The following PKD1L3 variants were observed in gnomAD, a reference collection of about 807,000 sequenced individuals.
The protein encoded by PKD1L3 is polycystin 1 like 3, transient receptor potential channel interacting, also known as polycystin-1-like protein 3.
A neutral mutation model predicts 184.1 loss-of-function variants in PKD1L3; 239 were observed. The observed-to-expected ratio is 1.30, with a 90% CI of 1.17 to 1.45. PKD1L3 has a LOEUF of 1.45. Ranked by LOEUF, PKD1L3 falls within the 40% of genes most tolerant of loss-of-function variation. PKD1L3 has a pLI of 0.00. For missense variants in PKD1L3, 2,660 were observed against 2,067.2 expected (o/e 1.29, Z -5.56); for synonymous variants, 996 against 778.8 (o/e 1.28, Z -4.64).
At chr16:71,991,531 T>C (rs1043748332) in intron 3 of PKD1L3, among the ~76,000 whole-genome samples, 3 of 152,148 alleles carry the variant, frequency 2.0e-5, no homozygotes, top group Non-Finnish European at 2.9e-5. Context: ...AATTAGTCCC[T>C]GATATGGAAG....
chr16:71,936,643 A>G (rs1194243746), intron 25 of PKD1L3, among the ~76,000 whole-genome samples: 3 of 144,388 alleles, frequency 2.1e-5, no homozygotes, highest in Non-Finnish European at 4.5e-5. Context: ...ATATGCCACC[A>G]CGCCCGGCTA....
At chr16:71,964,269 G>A (rs897157423) in intron 15 of PKD1L3, among the ~76,000 whole-genome samples, 6 of 126,626 alleles carry the variant, frequency 4.7e-5, no homozygotes, top group Admixed American at 4.4e-4. Flanking sequence ...CCAAGGGTCT[G>A]TGTTTGTCAT....
intron 3 of PKD1L3, among the ~76,000 whole-genome samples, chr16:71,991,801 G>A (rs1433453117): frequency 6.6e-6 from 1 of 152,170 alleles, no homozygotes; most frequent in East Asian, 1.9e-4. Context: ...GATACACACT[G>A]AGAAAATTTC....
chr16:71,979,339 G>C (rs1304979123), intron 9 of PKD1L3, among the ~76,000 whole-genome samples: 3 of 152,142 alleles, frequency 2.0e-5, no homozygotes, highest in Non-Finnish European at 4.4e-5. Flanking sequence ...AGCTACTTGG[G>C]AGGCTGAGGC....
chr16:71,941,581 CTTTTTTTTTT>C (rs35509080), intron 24 of PKD1L3, among the ~76,000 whole-genome samples: 2 of 102,218 alleles, frequency 2.0e-5, no homozygotes, highest in Non-Finnish European at 3.8e-5. Flanking sequence ...CTATGACATT[CTTTTTTTTTT>C]TTTTTTTTTT....
At chr16:71,985,554 C>G (rs1176833973) in intron 5 of PKD1L3, among the ~76,000 whole-genome samples, 6 of 152,142 alleles carry the variant, frequency 3.9e-5, no homozygotes, top group Non-Finnish European at 8.8e-5. Context: ...CCCCGCCACC[C>G]CCAAGTAGCT....
intron 5 of PKD1L3, among the ~76,000 whole-genome samples, chr16:71,984,449 T>C (rs1412386627): frequency 6.6e-6 from 1 of 152,214 alleles, no homozygotes; most frequent in African/African-American, 2.4e-5. Context: ...ACTTTAAGTG[T>C]TAAGGCCATG....
rs368180169 is a variant in PKD1L3 at position 71,973,446 on chromosome 16, C to T, written c.1831G>A (p.Val611Met). ...HGIGTYYITA[V>M]LSERQEGAQQ... ...GCACCCTCCTGCCTCTCACTCAGCA[C>T]AGCTGTTATATAGTAGGTGCCAATC... Residue 611 changes from valine to methionine, a missense_variant, in exon 12 of 30, where the codon GTG becomes ATG. Coordinates refer to ENST00000620267, the MANE Select transcript of PKD1L3 (RefSeq NM_181536.2). 5.2e-5 allele frequency: 80 copies of T among 1,551,736 alleles called. No homozygotes were observed. The highest frequency in any genetic ancestry group is 6.6e-5 in the Non-Finnish European group (76 of 1,147,046).
intron 12 of PKD1L3, among the ~76,000 whole-genome samples, chr16:71,972,947 T>C (rs1290840537): frequency 2.9e-4 from 44 of 152,222 alleles, no homozygotes. Context: ...TAAAAGAATC[T>C]GAGAATGTAT....
intron 28 of PKD1L3, 98 bp downstream of exon 28, chr16:71,933,320 AGT>A (rs1280826342): frequency 4.8e-6 from 4 of 836,764 alleles, no homozygotes; most frequent in Non-Finnish European, 8.0e-6. Context: ...CCCCTTTTCC[AGT>A]GTGCAGTGTA....
chr16:71,948,802 G>GAAAAAAAAA (rs2038717117), intron 21 of PKD1L3, among the ~76,000 whole-genome samples: 3 of 9,136 alleles, frequency 3.3e-4, no homozygotes, highest in Non-Finnish European at 6.8e-4. Context: ...CTTACATATA[G>GAAAAAAAAA]TAAAAAAAAA....
intron 11 of PKD1L3, among the ~76,000 whole-genome samples, chr16:71,974,732 C>A (rs2039854789): frequency 6.6e-6 from 1 of 152,150 alleles, no homozygotes; most frequent in African/African-American, 2.4e-5. Context: ...TGGGAAAGGG[C>A]CCGTTGGTAA....
At chr16:71,946,723 G>C (rs990022267) in intron 22 of PKD1L3, among the ~76,000 whole-genome samples, 1 of 138,660 alleles carries the variant, frequency 7.2e-6, no homozygotes, top group African/African-American at 2.9e-5. Flanking sequence ...TTGTGGGGCA[G>C]GCAAACAATT....
chr16:71,978,469 GTA>G (rs201075633), intron 9 of PKD1L3, 86 bp from the exon 10 acceptor site: 35 of 493,842 alleles, frequency 7.1e-5, no homozygotes, highest in African/African-American at 2.3e-4. Flanking sequence ...ATATACATAT[GTA>G]TATATGTGTG....
chr16:71,952,022 C>A (rs1468998073), intron 18 of PKD1L3, among the ~76,000 whole-genome samples: 1 of 151,938 alleles, frequency 6.6e-6, no homozygotes. Context: ...CCATGCACTC[C>A]CATTTAGTTC....
chr16:71,954,061 A>AAAC (rs34041171), intron 17 of PKD1L3, 44 bp downstream of exon 17: 382 of 1,314,674 alleles, frequency 2.9e-4, no homozygotes, highest in South Asian at 3.9e-4. Flanking sequence ...AAAAAAAAAA[A>AAAC]GGATTGCTTA....
In PKD1L3 at chr16:71,970,053, G is replaced by T; in HGVS notation, c.2006C>A (p.Thr669Asn). 6.4e-7 allele frequency: 1 copy of T among 1,551,516 alleles called. No homozygotes were observed. Among genetic ancestry groups the T allele is most frequent in the Non-Finnish European group, 8.7e-7 (1 of 1,146,956 alleles). The change falls in exon 13 of 30, where the codon ACC (threonine) becomes AAC (asparagine). Residue 669 changes from threonine to asparagine, a missense_variant. Transcript: ENST00000620267. ...LRTQCLCNHL[T>N]FFASDFFVVP... The stretch of plus-strand genomic sequence containing the variant: ...GACAAAGAAGTCGCTGGCAAAGAAG[G>T]TCAGGTGGTTACAGAGACACTGTGT...
Position 71,979,766 on chromosome 16 carries a change from ACAAT to A in PKD1L3, c.1398+16_1398+19del. ...ATCAGATCCCATTTTCATTCTGATC[ACAAT>A]CAATTTCACACTCACTTGGACATTA... On this transcript the variant is annotated intron_variant, in intron 9 of 29. Coordinates refer to ENST00000620267, the MANE Select transcript of PKD1L3 (RefSeq NM_181536.2). 6.8e-7 allele frequency: 1 copy of A among 1,478,878 alleles called. No homozygotes were observed. Among genetic ancestry groups the A allele is most frequent in the Non-Finnish European group, 8.9e-7 (1 of 1,118,184 alleles). 91.6% of individuals were successfully genotyped at this position (1,478,878 alleles called of 1,614,324 possible). A position where few individuals can be genotyped will look rare whatever the true frequency, so the allele number is the denominator to read the frequency against.
At chr16:71,950,368 G>A in intron 19 of PKD1L3, 58 bp from the exon 20 acceptor site, 2 of 1,395,186 alleles carry the variant, frequency 1.4e-6, no homozygotes, top group Non-Finnish European at 9.7e-7. Flanking sequence ...GAAGCAATTA[G>A]TGGTAGAGAT....
Sources: allele counts gnomAD v4.1 joint callset (sites outside exome capture counted in the v4.1 genomes callset), GRCh38; gene constraint gnomAD v4.1.1; transcripts MANE v1.5; gene names NCBI Gene and HGNC (gene_info 2026-07-23, HGNC 2026-07-21).